Variants in MAP2K6 observed in about 807,000 individuals in gnomAD.
The protein encoded by MAP2K6 is mitogen-activated protein kinase kinase 6, also known as dual specificity mitogen-activated protein kinase kinase 6.
MAP2K6 carries 16 observed loss-of-function variants against 53.7 expected under a neutral mutation model. That is an observed-to-expected ratio of 0.30 (90% CI 0.20 to 0.45). The LOEUF (loss-of-function observed/expected upper bound fraction) is 0.45, where lower values mean the gene tolerates loss of function less well. Ranked by LOEUF, MAP2K6 falls within the 20% of genes least tolerant of loss-of-function variation. The probability of loss-of-function intolerance (pLI) is 1.00; values close to 1 mark genes in which losing one functional copy is unlikely to be tolerated. For synonymous variants in MAP2K6, 132 were observed against 143.1 expected, an observed-to-expected ratio of 0.92 and a Z score of 0.55; for missense variants, 204 against 411.9, an observed-to-expected ratio of 0.50 and a Z score of 4.37.
intron 1 of MAP2K6, among the ~76,000 whole-genome samples, chr17:69,466,418 A>G (rs1907810074): frequency 6.6e-6 from 1 of 152,178 alleles, no homozygotes; most frequent in South Asian, 2.1e-4. Flanking sequence ...GAAGTCAAAA[A>G]TGCAAGAGGG....
chr17:69,503,914 C>T (rs1008046811), intron 1 of MAP2K6, among the ~76,000 whole-genome samples: 6 of 152,108 alleles, frequency 3.9e-5, no homozygotes, highest in African/African-American at 1.2e-4. Flanking sequence ...CTAGAAGTTG[C>T]GTGATGCGTG....
intron 1 of MAP2K6, among the ~76,000 whole-genome samples, chr17:69,491,754 A>ATTAT (rs1276341519): frequency 6.6e-6 from 1 of 150,644 alleles, no homozygotes; most frequent in African/African-American, 2.4e-5. Context: ...TATTATTATT[A>ATTAT]TTCACTTTTG....
chr17:69,419,288 C>T lies in MAP2K6; in HGVS notation c.16+4288C>T, dbSNP rs562010464. Among the ~76,000 whole-genome samples the T allele has an allele frequency of 3.5e-3, 540 of 152,186 alleles. 3 individuals carry two copies. Among genetic ancestry groups the T allele is most frequent in the African/African-American group, 0.012 (505 of 41,528 alleles). ...GCCCAATTATTTCTTTAGGATGATT[C>T]CTAGAGGTGGAAGTCCTGGGTCAAA... On this transcript the variant is annotated intron_variant, in intron 1 of 11. Coordinates refer to ENST00000590474, the MANE Select transcript of MAP2K6 (RefSeq NM_002758.4).
At chr17:69,516,320 G>T (rs1910141187) in intron 2 of MAP2K6, among the ~76,000 whole-genome samples, 1 of 152,004 alleles carries the variant, frequency 6.6e-6, no homozygotes, top group Non-Finnish European at 1.5e-5. Context: ...ACAGTTCACA[G>T]TAGGGTTTGT....
At chr17:69,495,012 A>G (rs1440463847) in intron 1 of MAP2K6, among the ~76,000 whole-genome samples, 1 of 151,968 alleles carries the variant, frequency 6.6e-6, no homozygotes, top group Non-Finnish European at 1.5e-5. Context: ...TCTAGAAAAA[A>G]AACCAAAAAC....
intron 1 of MAP2K6, among the ~76,000 whole-genome samples, chr17:69,430,168 A>G (rs1436663624): frequency 6.6e-6 from 1 of 152,120 alleles, no homozygotes; most frequent in Non-Finnish European, 1.5e-5. Flanking sequence ...CTCTACTACA[A>G]ACATATTAAA....
rs149388874 is a variant in MAP2K6 at position 69,495,921 on chromosome 17, GA to G, written c.17-9858del. ...GAAGCAGCCCATAAATGAGGAAGGA[GA>G]TGAACCGAGACAGTAGGAGTTCCCT... On this transcript the variant is annotated intron_variant, in intron 1 of 11. Transcript: ENST00000590474. Among the ~76,000 whole-genome samples, 236 of 152,192 alleles carry G rather than the reference GA, an allele frequency of 1.6e-3. 1 individual carries two copies. The highest frequency in any genetic ancestry group is 2.5e-3 in the Non-Finnish European group (170 of 68,004).
rs766038170 is a variant in MAP2K6, at chr17:69,526,667, C to T, written c.839C>T (p.Ala280Val). The change falls in exon 10 of 12, where the codon GCA becomes GTA. Residue 280 changes from alanine (A) to valine (V), a missense_variant. By Grantham distance (64) the Ala-to-Val change is moderately conservative. Coordinates refer to ENST00000590474, the MANE Select transcript of MAP2K6 (RefSeq NM_002758.4). ...VVEEPSPQLP[A>V]DKFSAEFVDF... ...GAGGAGCCATCGCCACAACTCCCAG[C>T]AGACAAGTTCTCTGCAGAGTTTGTT... The T allele has an allele frequency of 6.8e-6, 11 of 1,613,932 alleles. No individual in the cohort carries two copies. The highest frequency in any genetic ancestry group is 1.3e-5 in the African/African-American group (1 of 74,932).
chr17:69,518,383 T>A (rs1262537638), intron 4 of MAP2K6, among the ~76,000 whole-genome samples: 1 of 152,166 alleles, frequency 6.6e-6, no homozygotes, highest in Non-Finnish European at 1.5e-5. Flanking sequence ...TATTCTATAT[T>A]TTGTTGCTTT....
chr17:69,464,110 G>A (rs1206990567), intron 1 of MAP2K6, among the ~76,000 whole-genome samples: 5 of 151,394 alleles, frequency 3.3e-5, no homozygotes, highest in Admixed American at 2.0e-4. Flanking sequence ...TTTTTGAGAC[G>A]GAGTCTCACT....
intron 8 of MAP2K6, among the ~76,000 whole-genome samples, chr17:69,524,679 C>G (rs1441893576): frequency 3.3e-5 from 5 of 152,030 alleles, no homozygotes; most frequent in Admixed American, 1.3e-4. Flanking sequence ...GGAACTTGAT[C>G]CATTACTGTG....
chr17:69,523,670 G>A lies in MAP2K6; in HGVS notation c.663+29G>A, dbSNP rs758195356. 9 of 1,609,178 alleles carry A rather than the reference G, an allele frequency of 5.6e-6. No homozygotes were observed. The East Asian group carries it at 1.6e-4, about 28-fold the overall frequency. On this transcript the variant is annotated intron_variant, in intron 8 of 11. Transcript: ENST00000590474. ...AGTACATTAGCTAGGGTGGCATCTGGTAATGTCACTGCCGACAAATCATGC... is the reference window on the plus strand; with the variant it reads ...AGTACATTAGCTAGGGTGGCATCTGATAATGTCACTGCCGACAAATCATGC...
At chr17:69,527,567 T>A (rs556533255) in intron 10 of MAP2K6, among the ~76,000 whole-genome samples, 1 of 152,152 alleles carries the variant, frequency 6.6e-6, no homozygotes, top group Non-Finnish European at 1.5e-5. Context: ...TCATGGCAAG[T>A]GATGCTGGAA....
At chr17:69,455,751 A>G (rs574130794) in intron 1 of MAP2K6, among the ~76,000 whole-genome samples, 10 of 152,072 alleles carry the variant, frequency 6.6e-5, no homozygotes, top group African/African-American at 2.4e-4. Flanking sequence ...AAATGCAAAA[A>G]TCATTTTTTG....
chr17:69,427,540 G>A (rs1264793591), intron 1 of MAP2K6, among the ~76,000 whole-genome samples: 1 of 151,938 alleles, frequency 6.6e-6, no homozygotes, highest in Non-Finnish European at 1.5e-5. Flanking sequence ...GTATAGCTCT[G>A]GGGCTCACAG....
chr17:69,536,210 G>A, intron 11 of MAP2K6, 50 bp downstream of exon 11: 7 of 1,382,000 alleles, frequency 5.1e-6, no homozygotes, highest in Non-Finnish European at 7.1e-6. Context: ...GCTACAAAAG[G>A]CAAAGTCACT....
chr17:69,504,662 G>A (rs1031361932), intron 1 of MAP2K6: 2 of 152,860 alleles, frequency 1.3e-5, no homozygotes, highest in African/African-American at 4.8e-5. Context: ...CTCCATGCAT[G>A]AGGAAAACCC....
In MAP2K6 at chr17:69,517,529, G is replaced by A; in HGVS notation, c.162G>A (p.Glu54=). The change falls in exon 4 of 12, where the codon GAG becomes GAA. Residue 54 remains glutamate, a synonymous_variant. Transcript: ENST00000590474. ...TTGAGGTGAAGGCAGATGACCTGGAGCCTATAATGGAACTGGGACGAGGTG... is the reference window on the plus strand; with the variant it reads ...TTGAGGTGAAGGCAGATGACCTGGAACCTATAATGGAACTGGGACGAGGTG... The part of the protein sequence containing the change: ...QNFEVKADDL[E]PIMELGRGAY... 6.2e-7 allele frequency: 1 copy of A among 1,610,326 alleles called. No individual in the cohort carries two copies. The highest frequency in any genetic ancestry group is 2.2e-5 in the East Asian group (1 of 44,578).
intron 1 of MAP2K6, among the ~76,000 whole-genome samples, chr17:69,422,124 A>ATTTTTTTTTT (rs35694490): frequency 1.1e-5 from 1 of 87,366 alleles, no homozygotes; most frequent in Non-Finnish European, 2.1e-5. Context: ...AATCATCGTA[A>ATTTTTTTTTT]TTTTTTTTTT....
Sources: allele counts gnomAD v4.1 joint callset (sites outside exome capture counted in the v4.1 genomes callset), GRCh38; gene constraint gnomAD v4.1.1; transcripts MANE v1.5; gene names NCBI Gene and HGNC (gene_info 2026-07-23, HGNC 2026-07-21).